TBC1D30: variants seen among roughly 807,000 people sequenced by gnomAD.
The protein encoded by TBC1D30 is TBC1 domain family, member 30.
Under a neutral mutation model 63.2 loss-of-function variants are expected in TBC1D30, and 31 were observed. The observed-to-expected ratio is 0.49, with a 90% CI of 0.37 to 0.66. The LOEUF is 0.66. Ranked by LOEUF, TBC1D30 falls within the 30% of genes least tolerant of loss-of-function variation. The pLI is 0.00. For missense variants in TBC1D30, 810 were observed against 953.6 expected, an observed-to-expected ratio of 0.85 and a Z score of 1.98; for synonymous variants, 307 against 361.5, an observed-to-expected ratio of 0.85 and a Z score of 1.71.
intron 8 of TBC1D30, among the ~76,000 whole-genome samples, chr12:64,844,012 T>C (rs111814108): frequency 0.021 from 3,123 of 152,254 alleles, 104 homozygotes; most frequent in African/African-American, 0.071. Context: ...TAGGCTAGTC[T>C]TGAACTCCTA....
At chr12:64,823,837 A>G (rs1220316376), upstream of TBC1D30, among the ~76,000 whole-genome samples, 1 of 152,164 alleles carries the variant, frequency 6.6e-6, no homozygotes, top group African/African-American at 2.4e-5. Flanking sequence ...GTGTTATTCC[A>G]GAGCCAAAAC....
chr12:64,759,601 G>C (rs1293043215), exon 1 of TBC1D30: 1 of 379,146 alleles, frequency 2.6e-6, no homozygotes, highest in Admixed American at 4.4e-5. Flanking sequence ...CCGGAGAAAA[G>C]GGCGGAGAAC....
chr12:64,874,916 G>C, intron 11 of TBC1D30, 85 bp from the exon 12 acceptor site: 1 of 1,299,326 alleles, frequency 7.7e-7, no homozygotes. Flanking sequence ...AGACGGGGCT[G>C]GGAGGACCTC....
chr12:64,866,004 G>A (rs935923213), intron 9 of TBC1D30, among the ~76,000 whole-genome samples: 2 of 152,004 alleles, frequency 1.3e-5, no homozygotes, highest in Admixed American at 1.3e-4. Flanking sequence ...TAAGTAGCTG[G>A]GACCACAGGC....
intron 7 of TBC1D30, 126 bp from the exon 8 acceptor site, chr12:64,843,254 C>T (rs941265834): frequency 1.3e-6 from 1 of 771,628 alleles, no homozygotes; most frequent in African/African-American, 1.7e-5. Flanking sequence ...CCCAGCCTCC[C>T]AGAGTGCTGG....
intron 5 of TBC1D30, among the ~76,000 whole-genome samples, chr12:64,835,633 C>G (rs906322142): frequency 1.3e-5 from 2 of 152,112 alleles, no homozygotes; most frequent in African/African-American, 4.8e-5. Context: ...CTTCAGAGAA[C>G]TGCAAACAAA....
exon 1 of TBC1D30, chr12:64,780,727 G>T: frequency 1.0e-6 from 1 of 982,790 alleles, no homozygotes; most frequent in Non-Finnish European, 1.2e-6. Context: ...CGGCGAGGAC[G>T]AAGCCGCGCC....
intron 7 of TBC1D30, among the ~76,000 whole-genome samples, chr12:64,841,645 T>C (rs1875881451): frequency 1.3e-5 from 2 of 152,226 alleles, no homozygotes; most frequent in Admixed American, 1.3e-4. Context: ...ACCCCAGTGC[T>C]GGTCTCGCTG....
At chr12:64,786,164 C>A in intron 2 of TBC1D30, 1 of 640,964 alleles carries the variant, frequency 1.6e-6, no homozygotes. Context: ...CTTATACCCT[C>A]AGAACTAAGA....
chr12:64,829,681 A>G (rs1874668925), intron 3 of TBC1D30, among the ~76,000 whole-genome samples: 2 of 152,228 alleles, frequency 1.3e-5, no homozygotes, highest in Admixed American at 1.3e-4. Flanking sequence ...CTGCTAAATC[A>G]TGTTTAAATA....
chr12:64,843,053 G>A (rs899801087), intron 7 of TBC1D30, among the ~76,000 whole-genome samples: 2 of 152,206 alleles, frequency 1.3e-5, no homozygotes, highest in African/African-American at 2.4e-5. Flanking sequence ...TGTTATCCAG[G>A]CTGGATTGCA....
At chr12:64,762,894 GT>G (rs1463689854) in intron 1 of TBC1D30, among the ~76,000 whole-genome samples, 4 of 152,068 alleles carry the variant, frequency 2.6e-5, no homozygotes, top group African/African-American at 9.7e-5. Context: ...TTATATATAT[GT>G]TTAGTATTTT....
At chr12:64,794,976 T>G (rs1002771555) in intron 2 of TBC1D30, among the ~76,000 whole-genome samples, 6 of 152,224 alleles carry the variant, frequency 3.9e-5, no homozygotes, top group Non-Finnish European at 7.3e-5. Flanking sequence ...TTGGAAGAGA[T>G]AAGATTATAC....
chr12:64,856,523 T>C (rs1310311210), intron 8 of TBC1D30, among the ~76,000 whole-genome samples: 1 of 152,206 alleles, frequency 6.6e-6, no homozygotes, highest in East Asian at 1.9e-4. Context: ...CTTTAATTTC[T>C]CTGAAACATG....
intron 8 of TBC1D30, among the ~76,000 whole-genome samples, chr12:64,844,615 T>C (rs943796791): frequency 1.3e-5 from 2 of 152,234 alleles, no homozygotes; most frequent in Non-Finnish European, 2.9e-5. Context: ...TACTAGGTCT[T>C]ATTCATTCTT....
chr12:64,813,218 C>A (rs1045996106), intron 2 of TBC1D30, among the ~76,000 whole-genome samples: 1 of 151,982 alleles, frequency 6.6e-6, no homozygotes, highest in Non-Finnish European at 1.5e-5. Context: ...GGTGAAACCC[C>A]GTCTCTACTA....
upstream of TBC1D30, among the ~76,000 whole-genome samples, chr12:64,778,757 T>A (rs977395878): frequency 6.6e-6 from 1 of 151,808 alleles, no homozygotes; most frequent in Non-Finnish European, 1.5e-5. Context: ...ATCTCTTGAC[T>A]TCATGATCCG....
chr12:64,784,552 G>C (rs984076950), intron 1 of TBC1D30, among the ~76,000 whole-genome samples: 1 of 150,542 alleles, frequency 6.6e-6, no homozygotes, highest in African/African-American at 2.4e-5. Context: ...AGGTTAAGTT[G>C]AGTGGAAGGC....
Position 64,875,354 on chromosome 12 carries a change from G to T in TBC1D30, c.1852G>T (p.Ala618Ser). ...EAFPSGCTATAGREGSSPEGS... is the reference protein window; with the variant it reads ...EAFPSGCTATSGREGSSPEGS... ...ATTCCCCTCTGGTTGTACAGCGACA[G>T]CTGGGAGAGAAGGCAGCAGCCCTGA... is the stretch of plus-strand genomic sequence containing the variant. Residue 618 changes from alanine to serine, a missense_variant, in exon 12 of 12, where the codon GCT (alanine) becomes TCT (serine). Coordinates refer to ENST00000539867, the MANE Select transcript of TBC1D30 (RefSeq NM_015279.2). 1.3e-6 allele frequency: 2 copies of T among 1,536,270 alleles called. No homozygotes were observed. Among genetic ancestry groups the T allele is most frequent in the Non-Finnish European group, 1.7e-6 (2 of 1,146,934 alleles).
Sources: gnomAD v4.1 joint callset for allele counts (sites outside exome capture counted in the v4.1 genomes callset) on GRCh38, gnomAD v4.1.1 for gene constraint, MANE v1.5 for transcripts, NCBI Gene and HGNC (gene_info 2026-07-23, HGNC 2026-07-21) for gene names.